The following LTBP1 variants were observed in gnomAD, a reference collection of about 807,000 sequenced individuals.
The protein encoded by LTBP1 is latent transforming growth factor beta binding protein 1, also known as latent-transforming growth factor beta-binding protein 1.
LTBP1 carries 129 observed loss-of-function variants against 207.6 expected under a neutral mutation model. That is an observed-to-expected ratio of 0.62 (90% CI 0.54 to 0.72). LTBP1 has a LOEUF of 0.72. Ranked by LOEUF, LTBP1 falls within the 30% of genes least tolerant of loss-of-function variation. LTBP1 has a pLI of 0.00. For missense variants in LTBP1, 2,281 were observed against 2,217.2 expected, an observed-to-expected ratio of 1.03 and a Z score of -0.58; for synonymous variants, 963 against 833.7, an observed-to-expected ratio of 1.16 and a Z score of -2.67.
At chr2:33,197,663 G>A (rs2088713855) in intron 7 of LTBP1, among the ~76,000 whole-genome samples, 1 of 152,160 alleles carries the variant, frequency 6.6e-6, no homozygotes, top group South Asian at 2.1e-4. Context: ...TTTCAAACAT[G>A]TTTTATTGAT....
chr2:33,356,365 T>A (rs12329072), intron 26 of LTBP1, among the ~76,000 whole-genome samples: 25,128 of 152,022 alleles, frequency 0.17, 2,245 homozygotes, highest in Middle Eastern at 0.21. Flanking sequence ...ATAAAACAGA[T>A]GTTAAGTTTC....
chr2:33,083,455 G>A (rs1056805856), intron 3 of LTBP1, among the ~76,000 whole-genome samples: 2 of 152,112 alleles, frequency 1.3e-5, no homozygotes, highest in Non-Finnish European at 2.9e-5. Context: ...GAAGCCTTGA[G>A]TGACCCTGAG....
Position 32,947,466 on chromosome 2 carries a change from C to T in LTBP1, c.142C>T (p.Pro48Ser). 1.4e-6 allele frequency: 2 copies of T among 1,443,338 alleles called. No homozygotes were observed. The highest frequency in any genetic ancestry group is 1.5e-5 in the African/African-American group (1 of 67,492). The allele number at this position is 1,443,338 out of a possible 1,614,324, so 89.4% of individuals were successfully genotyped here. The change falls in exon 1 of 34, where the codon CCC becomes TCC. Residue 48 changes from proline to serine, a missense_variant. Pro to Ser is a moderately conservative substitution (Grantham distance 74). This residue lies in a region of LTBP1 where 555 missense variants were observed against 491.0 expected (regional missense o/e 1.13). Coordinates refer to ENST00000404816, the MANE Select transcript of LTBP1 (RefSeq NM_206943.4). ...LAAGALPLSGPPRSRTFNVAL... is the reference protein window; with the variant it reads ...LAAGALPLSGSPRSRTFNVAL... ...AGCCGGCGCCTTGCCCCTGAGCGGGCCCCCGCGTTCGCGGACATTCAACGT... is the reference window on the plus strand; with the variant it reads ...AGCCGGCGCCTTGCCCCTGAGCGGGTCCCCGCGTTCGCGGACATTCAACGT...
intron 2 of LTBP1, among the ~76,000 whole-genome samples, chr2:32,959,615 A>ATTT (rs1232142524): frequency 6.4e-4 from 24 of 37,694 alleles, no homozygotes; most frequent in Non-Finnish European, 7.3e-4. Flanking sequence ...ATATATATAT[A>ATTT]TATATATTTT....
At chr2:32,969,439 C>T (rs1246930716) in intron 2 of LTBP1, among the ~76,000 whole-genome samples, 1 of 152,086 alleles carries the variant, frequency 6.6e-6, no homozygotes, top group Non-Finnish European at 1.5e-5. Context: ...TATCTCCACC[C>T]TCACGTAGGC....
At chr2:33,253,932 C>G (rs1169244094) in intron 11 of LTBP1, among the ~76,000 whole-genome samples, 1 of 144,516 alleles carries the variant, frequency 6.9e-6, no homozygotes, top group Non-Finnish European at 1.5e-5. Flanking sequence ...CTTTGTTGCC[C>G]AGGCTGGAGT....
chr2:33,234,122 A>G (rs1558859522), intron 9 of LTBP1, among the ~76,000 whole-genome samples: 1 of 152,164 alleles, frequency 6.6e-6, no homozygotes, highest in East Asian at 1.9e-4. Flanking sequence ...CACAATTTTT[A>G]TTTTTAGAAT....
At chr2:32,994,893 C>CT (rs1685012566) in intron 2 of LTBP1, among the ~76,000 whole-genome samples, 1 of 152,176 alleles carries the variant, frequency 6.6e-6, no homozygotes, top group Admixed American at 6.5e-5. Flanking sequence ...TTGGTATTTT[C>CT]TTTTAAAGCT....
chr2:33,278,083 C>T (rs2093483689), intron 18 of LTBP1, among the ~76,000 whole-genome samples: 1 of 151,814 alleles, frequency 6.6e-6, no homozygotes, highest in African/African-American at 2.4e-5. Flanking sequence ...CTGCCAGCCT[C>T]AGCCTCCCAA....
rs544307628 is a variant in LTBP1, at chr2:33,389,094, T to C, written c.4712-90T>C. The C allele has an allele frequency of 9.6e-6, 15 of 1,569,842 alleles. No individual in the cohort carries two copies. The South Asian group carries it at 1.6e-4, about 17-fold the overall frequency. ...TGGAGACACACGTGGAAGGGTGTGC[T>C]GGCAGATTCCCGTTGCTCTGAGCTG... On this transcript the variant is annotated intron_variant, in intron 31 of 33. Transcript: ENST00000404816.
At position 33,167,477 on chromosome 2, in the gene LTBP1, T is replaced by G. The variant is rs73924183; in HGVS notation, c.1202-19379T>G. ...GGTCCAAAAACTGTTTCTTTCTTTCTGGAACTCATATGCTTTTGGAGCAGT... is the reference window on the plus strand; with the variant it reads ...GGTCCAAAAACTGTTTCTTTCTTTCGGGAACTCATATGCTTTTGGAGCAGT... On this transcript the variant is annotated intron_variant, in intron 5 of 33. Transcript: ENST00000404816. Among the ~76,000 whole-genome samples, 1,408 of 152,332 alleles carry G rather than the reference T, an allele frequency of 9.2e-3. 22 individuals carry two copies. Among genetic ancestry groups the G allele is most frequent in the African/African-American group, 0.032 (1,340 of 41,576 alleles).
Position 33,228,700 on chromosome 2 carries a change from T to C in LTBP1, c.1876+6549T>C, listed in dbSNP as rs1020739924. Among the ~76,000 whole-genome samples the C allele has an allele frequency of 2.8e-4, 34 of 123,086 alleles. 1 individual carries two copies. Among genetic ancestry groups the C allele is most frequent in the East Asian group, 1.3e-3 (6 of 4,618 alleles). The allele number at this position is 123,086 out of a possible 152,430, so 80.7% of individuals were successfully genotyped here. On this transcript the variant is annotated intron_variant, in intron 9 of 33. Coordinates refer to ENST00000404816, the MANE Select transcript of LTBP1 (RefSeq NM_206943.4). ...TAAGCCCAACCAGGGTTATACCCTT[T>C]TTTTTTTTTTTTTTTTTTGAGATGG...
rs143092000 is a variant in LTBP1, at chr2:33,032,366, A to G, written c.863+11160A>G. Reference sequence around the variant, plus strand: ...AAATGTTCAAGAGTTTTCTACCTTTATCTTTGTTGGCTTTATAGCTTTGCC... The same window carrying G: ...AAATGTTCAAGAGTTTTCTACCTTTGTCTTTGTTGGCTTTATAGCTTTGCC... On this transcript the variant is annotated intron_variant, in intron 3 of 33. Coordinates refer to ENST00000404816, the MANE Select transcript of LTBP1 (RefSeq NM_206943.4). 2.5e-3 allele frequency among the ~76,000 whole-genome samples: 383 copies of G among 152,224 alleles called. 6 individuals are homozygous for G. The highest frequency in any genetic ancestry group is 1.4e-3 in the Non-Finnish European group (97 of 68,000).
intron 19 of LTBP1, among the ~76,000 whole-genome samples, chr2:33,287,977 T>C (rs2093697855): frequency 6.6e-6 from 1 of 152,180 alleles, no homozygotes; most frequent in African/African-American, 2.4e-5. Flanking sequence ...TGAAGAATAG[T>C]TGAGGAGTCG....
intron 2 of LTBP1, among the ~76,000 whole-genome samples, chr2:33,007,736 G>T (rs565365945): frequency 1.3e-5 from 2 of 152,198 alleles, no homozygotes; most frequent in African/African-American, 4.8e-5. Context: ...ATTTTGGAGC[G>T]TGTGGGGGAT....
chr2:33,151,179 T>C (rs1411664422), intron 5 of LTBP1, among the ~76,000 whole-genome samples: 1 of 152,188 alleles, frequency 6.6e-6, no homozygotes, highest in Non-Finnish European at 1.5e-5. Context: ...GTTTCTACCT[T>C]TTTGCTATTG....
chr2:33,340,214 C>T (rs1398197345), intron 24 of LTBP1, among the ~76,000 whole-genome samples: 1 of 148,986 alleles, frequency 6.7e-6, no homozygotes, highest in East Asian at 2.0e-4. Flanking sequence ...GCAGAGATCG[C>T]GCCCCTGCAC....
chr2:33,351,564 A>T (rs772303793), intron 26 of LTBP1, among the ~76,000 whole-genome samples: 2 of 152,198 alleles, frequency 1.3e-5, no homozygotes, highest in South Asian at 2.1e-4. Flanking sequence ...CTCTGAAAGG[A>T]CATCCATATT....
Position 32,993,912 on chromosome 2 carries a change from G to A in LTBP1, c.566-26997G>A, listed in dbSNP as rs186902113. Among the ~76,000 whole-genome samples the A allele has an allele frequency of 1.2e-3, 176 of 151,858 alleles. 1 individual carries two copies. Among genetic ancestry groups the A allele is most frequent in the African/African-American group, 3.9e-3 (163 of 41,422 alleles). On this transcript the variant is annotated intron_variant, in intron 2 of 33. Coordinates refer to ENST00000404816, the MANE Select transcript of LTBP1 (RefSeq NM_206943.4). Reference sequence around the variant, plus strand: ...TGAAGTTACCTGTTTATCCCAGGCCGGGACCTCTGGGCTCATTTACAAGTG... The same window carrying A: ...TGAAGTTACCTGTTTATCCCAGGCCAGGACCTCTGGGCTCATTTACAAGTG...
Sources: gnomAD v4.1 joint callset for allele counts (sites outside exome capture counted in the v4.1 genomes callset) on GRCh38, gnomAD v4.1.1 for gene constraint, gnomAD v4.1.1 regional missense constraint, MANE v1.5 for transcripts, NCBI Gene and HGNC (gene_info 2026-07-23, HGNC 2026-07-21) for gene names.